GPBP1: variants seen among roughly 807,000 people sequenced by gnomAD.
GPBP1 encodes the protein vasculin.
Under a neutral mutation model 56.5 loss-of-function variants are expected in GPBP1, and 13 were observed. That is an observed-to-expected ratio of 0.23 (90% confidence interval 0.15 to 0.37). GPBP1 has a LOEUF of 0.37. GPBP1 is among the 10% of genes least tolerant of loss of function. GPBP1 has a pLI of 1.00. For synonymous variants in GPBP1, 204 were observed against 188.9 expected (o/e 1.08, Z -0.66); for missense variants, 477 against 572.3 (o/e 0.83, Z 1.70).
chr5:57,236,804 T>C (rs939644393), intron 6 of GPBP1, among the ~76,000 whole-genome samples: 1 of 152,158 alleles, frequency 6.6e-6, no homozygotes, highest in Non-Finnish European at 1.5e-5. Flanking sequence ...TCAATCCATG[T>C]TGGAACTTAA....
Position 57,264,470 on chromosome 5 carries a change from T to C in GPBP1, c.*1718T>C, listed in dbSNP as rs1380976763. ...CAAGCTAGAAGGAACCTGAGGAATG[T>C]GGTTTACATTTGAGATCCACCTTAC... is the stretch of plus-strand genomic sequence containing the variant. On this transcript the variant is annotated 3_prime_UTR_variant, in exon 12 of 12. Transcript: ENST00000506184. 6.6e-6 allele frequency: 1 copy of C among 152,168 alleles called. No individual in the cohort carries two copies. The highest frequency in any genetic ancestry group is 2.4e-5 in the African/African-American group (1 of 41,444). 9.4% of individuals were successfully genotyped at this position (152,168 alleles called of 1,614,324 possible).
chr5:57,231,670 G>A (rs1756467318), intron 5 of GPBP1, among the ~76,000 whole-genome samples: 1 of 152,158 alleles, frequency 6.6e-6, no homozygotes, highest in Non-Finnish European at 1.5e-5. Flanking sequence ...TCTAGTTCTT[G>A]CGATTCATTC....
At position 57,230,852 on chromosome 5, in the gene GPBP1, T is replaced by C. The variant is rs776745326; in HGVS notation, c.70T>C (p.Leu24=). ...TTTTTATAATTTGTTTCAGTCGTCA[T>C]TGAATTTTGAGAAGCATTCTGAAAA... ...PTPPSSTKSS[L]NFEKHSENFA... is the part of the protein sequence containing the mutation. Residue 24 remains leucine (L), a synonymous_variant, in exon 4 of 12, where the codon TTG becomes CTG. Transcript: ENST00000506184. 2 of 1,604,286 alleles carry C rather than the reference T, an allele frequency of 1.2e-6. No individual in the cohort carries two copies. The highest frequency in any genetic ancestry group is 2.7e-5 in the African/African-American group (2 of 74,484).
At chr5:57,205,631 A>G (rs768850733) in intron 2 of GPBP1, among the ~76,000 whole-genome samples, 25 of 151,546 alleles carry the variant, frequency 1.6e-4, no homozygotes, top group Non-Finnish European at 3.1e-4. Context: ...GTGGGAGCGA[A>G]GTAGTATTTC....
At chr5:57,186,182 A>G (rs1417536666) in intron 2 of GPBP1, among the ~76,000 whole-genome samples, 2 of 151,896 alleles carry the variant, frequency 1.3e-5, no homozygotes, top group Admixed American at 6.6e-5. Flanking sequence ...GAATCCTTTT[A>G]CGCTGGAAGT....
rs1580094734 is a variant in GPBP1, at chr5:57,263,535, C to G, written c.*783C>G. The stretch of plus-strand genomic sequence containing the variant: ...TTATTACACACGCAGAAAAACTGAT[C>G]ACACTGACTGGATCTGTCCACGACA... On this transcript the variant is annotated 3_prime_UTR_variant, in exon 12 of 12. Coordinates refer to ENST00000506184, the MANE Select transcript of GPBP1 (RefSeq NM_022913.4). 6.6e-6 allele frequency: 1 copy of G among 152,164 alleles called. No individual in the cohort carries two copies. Among genetic ancestry groups the G allele is most frequent in the Non-Finnish European group, 1.5e-5 (1 of 68,036 alleles). 9.4% of individuals were successfully genotyped at this position (152,164 alleles called of 1,614,324 possible).
chr5:57,196,051 A>G (rs1754735327), intron 2 of GPBP1, among the ~76,000 whole-genome samples: 1 of 148,738 alleles, frequency 6.7e-6, no homozygotes, highest in Non-Finnish European at 1.5e-5. Flanking sequence ...AAAAGTCAAT[A>G]TGATATCTGC....
intron 10 of GPBP1, among the ~76,000 whole-genome samples, chr5:57,252,916 C>T (rs1345697005): frequency 6.6e-6 from 1 of 151,752 alleles, no homozygotes; most frequent in African/African-American, 2.4e-5. Context: ...ATCATGTTGG[C>T]CAGGCTGTTC....
chr5:57,191,403 G>C (rs1754519666), intron 2 of GPBP1, among the ~76,000 whole-genome samples: 1 of 151,754 alleles, frequency 6.6e-6, no homozygotes, highest in South Asian at 2.1e-4. Context: ...CTTGCTCTTA[G>C]CTTTTTGAAG....
chr5:57,198,690 A>C (rs1754869662), intron 2 of GPBP1, among the ~76,000 whole-genome samples: 1 of 152,096 alleles, frequency 6.6e-6, no homozygotes, highest in African/African-American at 2.4e-5. Flanking sequence ...CTCTATTAAA[A>C]ATACAAACAT....
intron 10 of GPBP1, among the ~76,000 whole-genome samples, chr5:57,252,586 T>A (rs1561375923): frequency 6.6e-6 from 1 of 152,124 alleles, no homozygotes; most frequent in African/African-American, 2.4e-5. Flanking sequence ...GTGATGAGGG[T>A]TTCACTATGT....
intron 2 of GPBP1, among the ~76,000 whole-genome samples, chr5:57,176,765 C>G (rs1399219123): frequency 6.6e-6 from 1 of 152,142 alleles, no homozygotes; most frequent in African/African-American, 2.4e-5. Context: ...GTCTTCCTAG[C>G]CAGTTTGTAT....
chr5:57,236,494 G>T (rs1353512320), intron 6 of GPBP1, among the ~76,000 whole-genome samples: 1 of 152,088 alleles, frequency 6.6e-6, no homozygotes, highest in Non-Finnish European at 1.5e-5. Context: ...GACTGTTACA[G>T]ATAATTGTAT....
chr5:57,247,736 CAAAG>C (rs1188196047), intron 8 of GPBP1, among the ~76,000 whole-genome samples: 6 of 151,852 alleles, frequency 4.0e-5, no homozygotes, highest in Non-Finnish European at 8.8e-5. Context: ...TCCTAATAAA[CAAAG>C]AATAATTTTT....
intron 2 of GPBP1, among the ~76,000 whole-genome samples, chr5:57,177,765 T>C (rs1753855739): frequency 6.8e-6 from 1 of 147,668 alleles, no homozygotes; most frequent in African/African-American, 2.5e-5. Flanking sequence ...CTTCCCAAAG[T>C]GCTGGGATTA....
chr5:57,202,821 A>G lies in GPBP1; in HGVS notation c.-57-11253A>G, dbSNP rs536276116. 1.3e-4 allele frequency among the ~76,000 whole-genome samples: 20 copies of G among 152,278 alleles called. No individual in the cohort carries two copies. In the South Asian group the frequency reaches 4.1e-3, roughly 32 times the overall value. ...CTTAGGCCATATTGCTCATATTATTAATAGCTGTTCAATAAATGAGTTGAT... is the reference window on the plus strand; with the variant it reads ...CTTAGGCCATATTGCTCATATTATTGATAGCTGTTCAATAAATGAGTTGAT... On this transcript the variant is annotated intron_variant, in intron 2 of 11. Transcript: ENST00000506184.
chr5:57,223,593 A>G (rs751340507), intron 3 of GPBP1, among the ~76,000 whole-genome samples: 49 of 152,116 alleles, frequency 3.2e-4, no homozygotes, highest in Non-Finnish European at 4.7e-4. Flanking sequence ...AGCCGCCTCA[A>G]AATTCAGCTC....
At chr5:57,249,218 A>G (rs954954443) in intron 8 of GPBP1, 191 bp from the exon 9 acceptor site, 5 of 467,054 alleles carry the variant, frequency 1.1e-5, no homozygotes, top group African/African-American at 2.0e-5. Context: ...TGTTTGTGGG[A>G]TAAGAAAATT....
rs184960291 is a variant in GPBP1 at position 57,228,974 on chromosome 5, A to G, written c.64-1872A>G. ...GCTGAGTGCAGTGGCTCACTCCTAT[A>G]ATCCCAGCACTTTGGGAGGCCAAGG... On this transcript the variant is annotated intron_variant, in intron 3 of 11. Transcript: ENST00000506184. 5.5e-4 allele frequency among the ~76,000 whole-genome samples: 83 copies of G among 152,228 alleles called. No homozygotes were observed. The East Asian group carries it at 0.014, about 27-fold the overall frequency.
Sources: gnomAD v4.1 joint callset for allele counts (sites outside exome capture counted in the v4.1 genomes callset) on GRCh38, gnomAD v4.1.1 for gene constraint, MANE v1.5 for transcripts, NCBI Gene and HGNC (gene_info 2026-07-23, HGNC 2026-07-21) for gene names.